Variants in RAI14 observed in about 807,000 individuals in gnomAD.
RAI14 encodes the protein retinoic acid induced 14, also known as ankycorbin.
A neutral mutation model predicts 115.4 loss-of-function variants in RAI14; 45 were observed. That is an observed-to-expected ratio of 0.39 (90% CI 0.31 to 0.50). RAI14 has a LOEUF of 0.50. RAI14 is among the 20% of genes least tolerant of loss of function. The pLI is 0.85. For synonymous variants in RAI14, 371 were observed against 415.4 expected, an observed-to-expected ratio of 0.89 and a Z score of 1.30; for missense variants, 939 against 1,131.2, an observed-to-expected ratio of 0.83 and a Z score of 2.44.
chr5:34,789,002 G>A (rs1459338054), intron 3 of RAI14, among the ~76,000 whole-genome samples: 2 of 152,154 alleles, frequency 1.3e-5, no homozygotes, highest in Admixed American at 1.3e-4. Flanking sequence ...AAGAGGACAA[G>A]TAAGTTTTAT....
intron 2 of RAI14, among the ~76,000 whole-genome samples, chr5:34,753,631 T>A (rs1256788778): frequency 4.0e-5 from 6 of 151,542 alleles, no homozygotes; most frequent in Admixed American, 3.9e-4. Context: ...AATACAAAAA[T>A]TGGGCCAGGT....
chr5:34,744,320 T>A (rs1248727718), intron 2 of RAI14, among the ~76,000 whole-genome samples: 20 of 152,238 alleles, frequency 1.3e-4, no homozygotes, highest in Admixed American at 1.3e-3. Flanking sequence ...AGAGGCCTTA[T>A]GAACATGTTT....
At chr5:34,797,002 A>G (rs1160138485) in intron 4 of RAI14, among the ~76,000 whole-genome samples, 2 of 152,174 alleles carry the variant, frequency 1.3e-5, no homozygotes, top group East Asian at 3.8e-4. Flanking sequence ...GCAAATGGAG[A>G]GAAAAGGTAG....
intron 4 of RAI14, among the ~76,000 whole-genome samples, chr5:34,802,276 T>C (rs1435550906): frequency 6.6e-6 from 1 of 152,100 alleles, no homozygotes; most frequent in African/African-American, 2.4e-5. Flanking sequence ...GTTGAGAAAG[T>C]GCATCTACGG....
chr5:34,740,151 T>C (rs370436562), intron 2 of RAI14, among the ~76,000 whole-genome samples: 1 of 152,178 alleles, frequency 6.6e-6, no homozygotes, highest in Non-Finnish European at 1.5e-5. Flanking sequence ...AAAATGTAAG[T>C]GATAAGAAGT....
intron 7 of RAI14, among the ~76,000 whole-genome samples, chr5:34,810,786 T>G (rs1219170863): frequency 6.6e-6 from 1 of 152,066 alleles, no homozygotes; most frequent in East Asian, 1.9e-4. Flanking sequence ...CGCAAGAAGC[T>G]GGAGCTCCTA....
intron 2 of RAI14, among the ~76,000 whole-genome samples, chr5:34,744,257 G>GT (rs1413663617): frequency 6.6e-6 from 1 of 152,202 alleles, no homozygotes; most frequent in Non-Finnish European, 1.5e-5. Flanking sequence ...ATGAATGAAT[G>GT]TTTGAGTAGA....
At chr5:34,664,414 C>CA (rs11311801) in intron 1 of RAI14, among the ~76,000 whole-genome samples, 181 of 108,238 alleles carry the variant, frequency 1.7e-3, no homozygotes, top group African/African-American at 3.2e-3. Context: ...GACACTGTCT[C>CA]AAAAAAAAAA....
chr5:34,700,639 G>A (rs1029967357), intron 2 of RAI14, among the ~76,000 whole-genome samples: 1 of 152,222 alleles, frequency 6.6e-6, no homozygotes, highest in Non-Finnish European at 1.5e-5. Flanking sequence ...AGAAATAAAA[G>A]GTCAGTAGGG....
At chr5:34,737,814 G>T (rs1745054015) in intron 2 of RAI14, among the ~76,000 whole-genome samples, 1 of 152,102 alleles carries the variant, frequency 6.6e-6, no homozygotes, top group Non-Finnish European at 1.5e-5. Flanking sequence ...TCCTCAATCT[G>T]CTCTTTGCTG....
At chr5:34,678,050 G>A (rs1401312049) in intron 1 of RAI14, among the ~76,000 whole-genome samples, 1 of 152,032 alleles carries the variant, frequency 6.6e-6, no homozygotes, top group East Asian at 1.9e-4. Context: ...TAAAACTGGG[G>A]GTAGGGCAGA....
intron 2 of RAI14, among the ~76,000 whole-genome samples, chr5:34,754,978 T>A (rs1747691018): frequency 6.6e-6 from 1 of 152,214 alleles, no homozygotes; most frequent in Non-Finnish European, 1.5e-5. Context: ...ATCCTTTTGA[T>A]CTTCCCAGTC....
At chr5:34,696,942 C>A (rs565585869) in intron 2 of RAI14, among the ~76,000 whole-genome samples, 8 of 151,772 alleles carry the variant, frequency 5.3e-5, no homozygotes, top group Non-Finnish European at 7.4e-5. Flanking sequence ...ATCAGCTTGG[C>A]CAACATGGTG....
chr5:34,748,210 C>T (rs536233761), intron 2 of RAI14, among the ~76,000 whole-genome samples: 1 of 152,122 alleles, frequency 6.6e-6, no homozygotes, highest in Non-Finnish European at 1.5e-5. Flanking sequence ...TGATGGATTT[C>T]GGGGTGAATA....
intron 1 of RAI14, chr5:34,684,931 T>G (rs908480223): frequency 4.6e-5 from 7 of 152,260 alleles, no homozygotes; most frequent in Non-Finnish European, 1.0e-4. Context: ...TCACTTGCAG[T>G]GGGCTTGACG....
In RAI14 at chr5:34,830,805, CTT is replaced by C; in HGVS notation, c.*42_*43del. 6.2e-7 allele frequency: 1 copy of C among 1,612,472 alleles called. No individual in the cohort carries two copies. Among genetic ancestry groups the C allele is most frequent in the Non-Finnish European group, 8.5e-7 (1 of 1,179,144 alleles). On this transcript the variant is annotated 3_prime_UTR_variant, in exon 18 of 18. Coordinates refer to ENST00000265109, the MANE Select transcript of RAI14 (RefSeq NM_015577.3). Reference sequence around the variant, plus strand: ...CAGGACACTGCCCCTTGTCATCTGTCTTTGTGTTAGATCCAGAGTTGTCGGCA... The same window carrying C: ...CAGGACACTGCCCCTTGTCATCTGTCTGTGTTAGATCCAGAGTTGTCGGCA...
At chr5:34,777,315 A>G (rs1010539901) in intron 3 of RAI14, among the ~76,000 whole-genome samples, 5 of 152,238 alleles carry the variant, frequency 3.3e-5, no homozygotes, top group African/African-American at 1.2e-4. Context: ...GTGGTACCAT[A>G]TACACAATGG....
rs1379155864 is a variant in RAI14 at position 34,727,558 on chromosome 5, G to GCCA, written c.37-29910_37-29909insCCA. ...GCCTAGGAGAATAAAATGGTTTCCT[G>GCCA]GGCCAGGCCTGGGGCCCCCTTGCTG... On this transcript the variant is annotated intron_variant, in intron 2 of 17. Transcript: ENST00000265109. Among the ~76,000 whole-genome samples the GCCA allele has an allele frequency of 2.0e-5, 3 of 152,132 alleles. No homozygotes were observed. In the East Asian group the frequency reaches 5.8e-4, roughly 29 times the overall value.
At chr5:34,752,592 C>A (rs334910) in intron 2 of RAI14, among the ~76,000 whole-genome samples, 25,862 of 151,470 alleles carry the variant, frequency 0.17, 2,442 homozygotes, top group Middle Eastern at 0.34. Context: ...GCTAGGCTTT[C>A]GAAATACGCC....
Sources: allele counts gnomAD v4.1 joint callset (sites outside exome capture counted in the v4.1 genomes callset), GRCh38; gene constraint gnomAD v4.1.1; transcripts MANE v1.5; gene names NCBI Gene and HGNC (gene_info 2026-07-23, HGNC 2026-07-21).